Variants in PMEL observed in about 807,000 individuals in gnomAD.
PMEL encodes the protein premelanosome protein, also known as melanocyte protein PMEL.
In PMEL, 53 loss-of-function variants were observed where a neutral mutation model predicts 64.9. That is an observed-to-expected ratio of 0.82 (90% CI 0.66 to 1.03). The LOEUF is 1.03. PMEL is among the 50% of genes least tolerant of loss of function. PMEL has a pLI of 0.00. For missense variants in PMEL, 716 were observed against 814.9 expected (o/e 0.88, Z 1.48); for synonymous variants, 299 against 316.2 (o/e 0.95, Z 0.58).
At chr12:55,958,906 C>T (rs1329408815) in intron 3 of PMEL, among the ~76,000 whole-genome samples, 1 of 151,848 alleles carries the variant, frequency 6.6e-6, no homozygotes, top group East Asian at 2.0e-4. Flanking sequence ...CTCAGCCTCC[C>T]GAGTAGCTGG....
chr12:55,961,759 C>T (rs769955601), intron 1 of PMEL, 27 bp from the exon 2 acceptor site: 20 of 1,479,648 alleles, frequency 1.4e-5, no homozygotes, highest in Admixed American at 1.7e-5. Flanking sequence ...ATGAAGGGCC[C>T]TAGGATCCTT....
At chr12:55,966,224 A>T, upstream of PMEL, 1 of 701,874 alleles carries the variant, frequency 1.4e-6, no homozygotes, top group South Asian at 1.9e-5. Flanking sequence ...TTCTGGTTTC[A>T]CTGGGTCACT....
chr12:55,955,534 T>C lies in PMEL; in HGVS notation c.1692A>G (p.Thr564=), dbSNP rs1353484157. The part of the protein sequence containing the change: ...LHQILKGGSG[T]YCLNVSLADT... ...CAGCCAGAGACACATTGAGGCAGTA[T>C]GTCCCCGAGCCACCCTTCAGTATCT... Residue 564 remains threonine (T), a synonymous_variant, in exon 9 of 11, where the codon ACA becomes ACG. Coordinates refer to ENST00000548747, the MANE Select transcript of PMEL (RefSeq NM_001384361.1). 6.2e-7 allele frequency: 1 copy of C among 1,614,156 alleles called. No homozygotes were observed.
upstream of PMEL, chr12:55,966,707 G>A: frequency 8.9e-7 from 1 of 1,118,534 alleles, no homozygotes; most frequent in Non-Finnish European, 1.1e-6. Context: ...GGGGAGGAGC[G>A]CTGGGCTCGC....
chr12:55,957,890 T>C (rs1336065725), intron 5 of PMEL, 33 bp downstream of exon 5: 2 of 1,611,426 alleles, frequency 1.2e-6, no homozygotes, highest in African/African-American at 2.7e-5. Flanking sequence ...TCTCTTGCCC[T>C]ACAACTGGCC....
chr12:55,965,025 T>A (rs1056780052), intron 1 of PMEL, among the ~76,000 whole-genome samples: 3 of 151,470 alleles, frequency 2.0e-5, no homozygotes, highest in Non-Finnish European at 4.4e-5. Flanking sequence ...CCTTCTGGGT[T>A]CAAGTGATTC....
At position 55,956,957 on chromosome 12, in the gene PMEL, C is replaced by T. The variant is rs2136438208; in HGVS notation, c.1346G>A (p.Ser449Asn). The T allele has an allele frequency of 1.2e-6, 2 of 1,614,030 alleles. No homozygotes were observed. The highest frequency in any genetic ancestry group is 1.7e-6 in the Non-Finnish European group (2 of 1,179,918). ...CGCACTGATACTCTTACCTGTAATA[C>T]TTTCCGTAGACATGATTGAGCTGGC... ...PDASSIMSTESITGSLGPLLD... is the reference protein window; with the variant it reads ...PDASSIMSTENITGSLGPLLD... Residue 449 changes from serine to asparagine, a missense_variant, in exon 6 of 11, where the codon AGT becomes AAT. Physicochemically the swap from Ser to Asn is conservative, Grantham distance 46. Transcript: ENST00000548747.
At chr12:55,962,448 C>CAA (rs1197796228) in intron 1 of PMEL, among the ~76,000 whole-genome samples, 1,172 of 33,576 alleles carry the variant, frequency 0.035, 13 homozygotes, top group Non-Finnish European at 0.054. Context: ...GACTCCATCT[C>CAA]AAAAAAAAAA....
intron 1 of PMEL, among the ~76,000 whole-genome samples, chr12:55,962,335 T>C (rs1382628200): frequency 6.8e-6 from 1 of 146,552 alleles, no homozygotes; most frequent in Admixed American, 6.9e-5. Context: ...TCCAGCTACT[T>C]GGGAGGCTGA....
In PMEL at chr12:55,957,116, T is replaced by C. The variant is rs762082909; in HGVS notation, c.1187A>G (p.Glu396Gly). The C allele has an allele frequency of 1.2e-6, 2 of 1,614,074 alleles. No individual in the cohort carries two copies. Among genetic ancestry groups the C allele is most frequent in the East Asian group, 4.5e-5 (2 of 44,902 alleles). The change falls in exon 6 of 11, where the codon GAG (glutamate) becomes GGG (glycine). Residue 396 changes from glutamate to glycine, a missense_variant. Physicochemically the swap from Glu to Gly is moderately conservative, Grantham distance 98. Coordinates refer to ENST00000548747, the MANE Select transcript of PMEL (RefSeq NM_001384361.1). ...GTTLAEMSTP[E>G]ATGMTPAEVS... ...CTCTGCAGGTGTCATACCTGTAGCC[T>C]CTGGAGTTGACATCTCTGCCAGTGT...
Position 55,960,468 on chromosome 12 carries a change from T to C in PMEL, c.334+849A>G, listed in dbSNP as rs1273443379. Among the ~76,000 whole-genome samples the C allele has an allele frequency of 2.0e-5, 3 of 151,610 alleles. No homozygotes were observed. The East Asian group carries it at 5.8e-4, about 29-fold the overall frequency. On this transcript the variant is annotated intron_variant, in intron 3 of 10. Transcript: ENST00000548747. ...ATGCAGTCTCGACCTCCCAGGCTCA[T>C]GATCCTCCCACCTGAGACTGCTAAG... is the stretch of plus-strand genomic sequence containing the variant.
chr12:55,958,286 T>C, intron 4 of PMEL, 187 bp downstream of exon 4: 1 of 773,962 alleles, frequency 1.3e-6, no homozygotes, highest in Non-Finnish European at 2.0e-6. Flanking sequence ...TGAGGAAGAG[T>C]TGCCAGAAAG....
At position 55,964,475 on chromosome 12, in the gene PMEL, T is replaced by A. The variant is rs1417547009; in HGVS notation, c.76+1461A>T. ...AAGCCTGGCCTAGGCCTGGCTAATT[T>A]TTTTACGTTTCGTAGAGACAAGGTC... On this transcript the variant is annotated intron_variant, in intron 1 of 10. Transcript: ENST00000548747. 2.0e-5 allele frequency among the ~76,000 whole-genome samples: 3 copies of A among 152,042 alleles called. No homozygotes were observed. In the East Asian group the frequency reaches 5.8e-4, roughly 29 times the overall value.
In PMEL at chr12:55,955,810, C is replaced by A; in HGVS notation, c.1525G>T (p.Ala509Ser). The A allele has an allele frequency of 6.2e-7, 1 of 1,614,064 alleles. No homozygotes were observed. Among genetic ancestry groups the A allele is most frequent in the South Asian group, 1.1e-5 (1 of 91,086 alleles). Residue 509 changes from alanine (A) to serine (S), a missense_variant, in exon 8 of 11, where the codon GCA (alanine) becomes TCA (serine). By Grantham distance (99) the Ala-to-Ser change is moderately conservative. Transcript: ENST00000548747. Reference sequence around the variant, plus strand: ...TGGCAGGACACAGTCAGCTCAAATGCATCCCCCTCACCGGACGGCACAGCC... The same window carrying A: ...TGGCAGGACACAGTCAGCTCAAATGAATCCCCCTCACCGGACGGCACAGCC... The part of the protein sequence containing the change: ...LQAVPSGEGD[A>S]FELTVSCQGG...
At chr12:55,958,729 C>T (rs994489522) in intron 3 of PMEL, 122 bp from the exon 4 acceptor site, 1 of 1,004,140 alleles carries the variant, frequency 1.0e-6, no homozygotes, top group African/African-American at 1.6e-5. Context: ...CTAGAAAGTA[C>T]ATTCTCCATG....
At position 55,961,619 on chromosome 12, in the gene PMEL, T is replaced by C; in HGVS notation, c.187+3A>G. On this transcript the variant is annotated splice_donor_region_variant and intron_variant, in intron 2 of 10. Transcript: ENST00000548747. ...CCCTCCCCTGGAACTTCCAAGTTCCTACCTCTCCAGCAGTCAAGTCTCTGG... is the reference window on the plus strand; with the variant it reads ...CCCTCCCCTGGAACTTCCAAGTTCCCACCTCTCCAGCAGTCAAGTCTCTGG... The C allele has an allele frequency of 1.2e-6, 2 of 1,611,812 alleles. No homozygotes were observed. Among genetic ancestry groups the C allele is most frequent in the Non-Finnish European group, 1.7e-6 (2 of 1,178,104 alleles).
intron 1 of PMEL, among the ~76,000 whole-genome samples, chr12:55,964,671 G>T (rs1889220793): frequency 6.6e-6 from 1 of 151,868 alleles, no homozygotes; most frequent in Non-Finnish European, 1.5e-5. Context: ...TGTTGCCCAG[G>T]CTGGAATGCA....
chr12:55,959,386 A>AAAATAAAT lies in PMEL; in HGVS notation c.335-787_335-780dup, dbSNP rs200660768. Among the ~76,000 whole-genome samples, 122 of 150,088 alleles carry AAAATAAAT rather than the reference A, an allele frequency of 8.1e-4. 1 individual carries two copies. Among genetic ancestry groups the AAAATAAAT allele is most frequent in the African/African-American group, 2.9e-3 (117 of 40,058 alleles). On this transcript the variant is annotated intron_variant, in intron 3 of 10. Transcript: ENST00000548747. ...GGAGAGAGAGAAGGACCCCGACTTTAAAATAAATAAATAAATAAATAAATA... is the reference window on the plus strand; with the variant it reads ...GGAGAGAGAGAAGGACCCCGACTTTAAAATAAATAAATAAATAAATAAATAAATAAATA...
Position 55,955,835 on chromosome 12 carries a change from C to T in PMEL, c.1500G>A (p.Gln500=). ...CATCCCCCTCACCGGACGGCACAGC[C>T]TGCAGGATCTCGGCACTTTCAATAC... ...VQGIESAEIL[Q]AVPSGEGDAF... is the part of the protein sequence containing the mutation. The change falls in exon 8 of 11, where the codon CAG becomes CAA. Residue 500 remains glutamine, a synonymous_variant. Coordinates refer to ENST00000548747, the MANE Select transcript of PMEL (RefSeq NM_001384361.1). The T allele has an allele frequency of 6.2e-7, 1 of 1,614,186 alleles. No individual in the cohort carries two copies. The highest frequency in any genetic ancestry group is 1.6e-4 in the Middle Eastern group (1 of 6,062).
Sources: gnomAD v4.1 joint callset for allele counts (sites outside exome capture counted in the v4.1 genomes callset) on GRCh38, gnomAD v4.1.1 for gene constraint, MANE v1.5 for transcripts, NCBI Gene and HGNC (gene_info 2026-07-23, HGNC 2026-07-21) for gene names.